PADI4: variants seen among roughly 807,000 people sequenced by gnomAD.
PADI4 encodes the protein peptidyl arginine deiminase 4.
A neutral mutation model predicts 75.0 loss-of-function variants in PADI4; 62 were observed. That is an observed-to-expected ratio of 0.83 (90% CI 0.67 to 1.02). The LOEUF (loss-of-function observed/expected upper bound fraction) is 1.02, where lower values mean the gene tolerates loss of function less well. Among genes scored for constraint, PADI4 ranks in the 50% least tolerant of loss-of-function variants. The probability of loss-of-function intolerance (pLI) is 0.00; values close to 1 mark genes in which losing one functional copy is unlikely to be tolerated. For synonymous variants in PADI4, 361 were observed against 348.1 expected, an observed-to-expected ratio of 1.04 and a Z score of -0.41; for missense variants, 845 against 850.5, an observed-to-expected ratio of 0.99 and a Z score of 0.08.
At chr1:17,314,764 G>A (rs2501807) in intron 1 of PADI4, among the ~76,000 whole-genome samples, 1 of 152,288 alleles carries the variant, frequency 6.6e-6, no homozygotes, top group Admixed American at 6.5e-5. Flanking sequence ...ACGTTTCCCC[G>A]GGGCAGCTGA....
intron 9 of PADI4, 42 bp from the exon 10 acceptor site, chr1:17,347,899 A>G: frequency 5.8e-6 from 7 of 1,206,092 alleles, no homozygotes; most frequent in Non-Finnish European, 8.2e-6. Context: ...ACCAAGACCC[A>G]GGCAGCACGC....
intron 1 of PADI4, among the ~76,000 whole-genome samples, chr1:17,315,952 C>T (rs1019181931): frequency 2.6e-5 from 4 of 151,938 alleles, no homozygotes; most frequent in Non-Finnish European, 4.4e-5. Context: ...CCTGATGACC[C>T]ACAGCTCTGC....
At chr1:17,318,205 G>A (rs1186501053) in intron 1 of PADI4, among the ~76,000 whole-genome samples, 1 of 152,192 alleles carries the variant, frequency 6.6e-6, no homozygotes, top group Non-Finnish European at 1.5e-5. Flanking sequence ...ACAGCAGAGT[G>A]GCACCAATGC....
intron 4 of PADI4, among the ~76,000 whole-genome samples, chr1:17,336,974 T>C (rs1570038905): frequency 6.6e-6 from 1 of 152,262 alleles, no homozygotes; most frequent in Non-Finnish European, 1.5e-5. Context: ...GGCTGCTTAA[T>C]GTGCTTTAAT....
chr1:17,337,131 T>A (rs1226196986), intron 4 of PADI4, among the ~76,000 whole-genome samples: 1 of 143,846 alleles, frequency 7.0e-6, no homozygotes, highest in Non-Finnish European at 1.6e-5. Context: ...AACATTTTAT[T>A]TATTTATTTA....
At chr1:17,330,080 G>A (rs1270911920) in intron 1 of PADI4, among the ~76,000 whole-genome samples, 3 of 152,218 alleles carry the variant, frequency 2.0e-5, no homozygotes, top group African/African-American at 7.2e-5. Flanking sequence ...GCACAATCCT[G>A]CGTGTGCACA....
chr1:17,341,540 C>G (rs1570051644), intron 6 of PADI4, among the ~76,000 whole-genome samples: 1 of 152,224 alleles, frequency 6.6e-6, no homozygotes, highest in South Asian at 2.1e-4. Flanking sequence ...ATCTCTGCTT[C>G]TCCCTACTCA....
intron 1 of PADI4, among the ~76,000 whole-genome samples, chr1:17,311,103 A>T (rs2073818235): frequency 6.6e-6 from 1 of 151,980 alleles, no homozygotes; most frequent in African/African-American, 2.4e-5. Context: ...TCTCAAAAAA[A>T]AAAAAAAAAA....
chr1:17,339,631 G>C, intron 5 of PADI4, 57 bp from the exon 6 acceptor site: 1 of 1,602,808 alleles, frequency 6.2e-7, no homozygotes, highest in African/African-American at 1.3e-5. Flanking sequence ...GGTGGCTATG[G>C]GAAACCAGCA....
At chr1:17,315,930 C>A (rs1474426948) in intron 1 of PADI4, among the ~76,000 whole-genome samples, 1 of 151,950 alleles carries the variant, frequency 6.6e-6, no homozygotes, top group African/African-American at 2.4e-5. Context: ...GTCACTTGAA[C>A]CTGGCTGCCT....
intron 1 of PADI4, among the ~76,000 whole-genome samples, chr1:17,316,712 AATTAATTAATTAATT>A (rs2073945018): frequency 1.7e-4 from 25 of 147,754 alleles, no homozygotes; most frequent in South Asian, 4.3e-4. Context: ...TAAATAAATT[AATTAATTAATTAATT>A]AATTAAAATA....
intron 10 of PADI4, among the ~76,000 whole-genome samples, chr1:17,350,117 A>C (rs1174351854): frequency 7.8e-6 from 1 of 127,452 alleles, no homozygotes; most frequent in Non-Finnish European, 1.8e-5. Flanking sequence ...TCTTCAGTGT[A>C]TTTTGTTAAA....
At position 17,336,190 on chromosome 1, in the gene PADI4, C is replaced by T. The variant is rs534413345; in HGVS notation, c.372C>T (p.Thr124=). The change falls in exon 4 of 16, where the codon ACC becomes ACT. Residue 124 remains threonine (T), a synonymous_variant. Transcript: ENST00000375448. ...CCTTGTGCGCAGACATCACCCGCACCGGCAAAGTGAAGCCAACCAGAGCTG... is the reference window on the plus strand; with the variant it reads ...CCTTGTGCGCAGACATCACCCGCACTGGCAAAGTGAAGCCAACCAGAGCTG... ...EISLCADITR[T]GKVKPTRAVK... is the part of the protein sequence containing the mutation. 5 of 1,613,486 alleles carry T rather than the reference C, an allele frequency of 3.1e-6. No homozygotes were observed. The highest frequency in any genetic ancestry group is 4.2e-6 in the Non-Finnish European group (5 of 1,179,512).
intron 13 of PADI4, among the ~76,000 whole-genome samples, chr1:17,357,222 C>T (rs2074776083): frequency 6.6e-6 from 1 of 152,174 alleles, no homozygotes; most frequent in Non-Finnish European, 1.5e-5. Flanking sequence ...GGCTGGAGTG[C>T]AATGGCGCGA....
In PADI4 at chr1:17,347,990, T is replaced by A; in HGVS notation, c.1097T>A (p.Val366Glu). 6.2e-7 allele frequency: 1 copy of A among 1,607,928 alleles called. No individual in the cohort carries two copies. The highest frequency in any genetic ancestry group is 8.5e-7 in the Non-Finnish European group (1 of 1,176,140). The change falls in exon 10 of 16, where the codon GTG (valine) becomes GAG (glutamate). Residue 366 changes from valine (V) to glutamate (E), a missense_variant. Transcript: ENST00000375448. ...CAAGCCCCACACAAAACGCTGCCCG[T>A]GGTCTTCGACTCTCCAAGGAACAGA... The part of the protein sequence containing the change: ...YIQAPHKTLP[V>E]VFDSPRNRGL...
chr1:17,315,990 C>T (rs1296482796), intron 1 of PADI4, among the ~76,000 whole-genome samples: 2 of 151,936 alleles, frequency 1.3e-5, no homozygotes, highest in Non-Finnish European at 2.9e-5. Flanking sequence ...CGGCCCCTAT[C>T]CACAGGGTGC....
At chr1:17,329,673 T>C (rs1040068703) in intron 1 of PADI4, among the ~76,000 whole-genome samples, 3 of 152,134 alleles carry the variant, frequency 2.0e-5, no homozygotes, top group African/African-American at 7.2e-5. Flanking sequence ...ACTCACGCAG[T>C]TCAAACCTGT....
chr1:17,348,331 C>A (rs548767482), intron 10 of PADI4: 48 of 268,824 alleles, frequency 1.8e-4, no homozygotes, highest in Middle Eastern at 2.3e-3. Context: ...CCTCCCTGTG[C>A]TCTTGAAGAA....
At chr1:17,355,906 T>C (rs962971832) in intron 11 of PADI4, 77 bp from the exon 12 acceptor site, 7 of 1,513,526 alleles carry the variant, frequency 4.6e-6, no homozygotes, top group Non-Finnish European at 6.4e-6. Context: ...CTGACCTTTT[T>C]GCCAAGCCCC....
Sources: allele counts gnomAD v4.1 joint callset (sites outside exome capture counted in the v4.1 genomes callset), GRCh38; gene constraint gnomAD v4.1.1; transcripts MANE v1.5; gene names NCBI Gene and HGNC (gene_info 2026-07-23, HGNC 2026-07-21).